Variants in KCNH7 observed in about 807,000 individuals in gnomAD.
The protein encoded by KCNH7 is potassium voltage-gated channel subfamily H member 7, also known as voltage-gated inwardly rectifying potassium channel KCNH7.
In KCNH7, 49 loss-of-function variants were observed where a neutral mutation model predicts 120.8. The observed-to-expected ratio is 0.41, with a 90% CI of 0.32 to 0.51. The LOEUF is 0.51. Ranked by LOEUF, KCNH7 falls within the 20% of genes least tolerant of loss-of-function variation. KCNH7 has a pLI of 0.38. For synonymous variants in KCNH7, 547 were observed against 516.1 expected (o/e 1.06, Z -0.81); for missense variants, 1,097 against 1,446.6 (o/e 0.76, Z 3.92).
intron 2 of KCNH7, among the ~76,000 whole-genome samples, chr2:162,680,823 G>T (rs1000569323): frequency 4.0e-5 from 6 of 151,666 alleles, no homozygotes; most frequent in African/African-American, 1.2e-4. Flanking sequence ...AAATTAAAGA[G>T]CTAATACTCC....
intron 13 of KCNH7, among the ~76,000 whole-genome samples, chr2:162,380,789 T>G (rs1340571226): frequency 6.6e-6 from 1 of 152,150 alleles, no homozygotes; most frequent in Admixed American, 6.6e-5. Flanking sequence ...CCAGACACCT[T>G]GGTAAATACG....
chr2:162,781,531 A>C (rs563380028), intron 2 of KCNH7, among the ~76,000 whole-genome samples: 11 of 152,280 alleles, frequency 7.2e-5, no homozygotes, highest in Admixed American at 5.9e-4. Context: ...AGAATGAGGA[A>C]GGTAAAAATT....
chr2:162,731,644 CATGAAAATATTT>C (rs1687734502), intron 2 of KCNH7, among the ~76,000 whole-genome samples: 1 of 151,382 alleles, frequency 6.6e-6, no homozygotes, highest in African/African-American at 2.4e-5. Flanking sequence ...ATGAAATGTC[CATGAAAATATTT>C]ATGAAAATAT....
chr2:162,550,040 T>C (rs1692615455), intron 2 of KCNH7, among the ~76,000 whole-genome samples: 1 of 152,100 alleles, frequency 6.6e-6, no homozygotes, highest in Admixed American at 6.5e-5. Context: ...CCCAGAGAGG[T>C]GAAATCAAGT....
chr2:162,644,101 C>A (rs1185492601), intron 2 of KCNH7, among the ~76,000 whole-genome samples: 3 of 151,846 alleles, frequency 2.0e-5, no homozygotes, highest in Non-Finnish European at 4.4e-5. Flanking sequence ...CCCCCCACAT[C>A]AACTGTCCAT....
intron 2 of KCNH7, among the ~76,000 whole-genome samples, chr2:162,753,026 A>C (rs187057354): frequency 6.8e-6 from 1 of 146,740 alleles, no homozygotes; most frequent in African/African-American, 2.6e-5. Context: ...AAGAAAAGAA[A>C]AGAAACCCTG....
chr2:162,526,281 G>T (rs1479179895), intron 3 of KCNH7, among the ~76,000 whole-genome samples: 2 of 151,916 alleles, frequency 1.3e-5, no homozygotes, highest in Non-Finnish European at 2.9e-5. Flanking sequence ...AGGACCACAG[G>T]ACCGAGGTGA....
intron 2 of KCNH7, among the ~76,000 whole-genome samples, chr2:162,573,009 G>A (rs1434564173): frequency 6.6e-6 from 1 of 151,886 alleles, no homozygotes; most frequent in Non-Finnish European, 1.5e-5. Flanking sequence ...TAACTAACCT[G>A]CACATTGTGC....
At chr2:162,838,234 C>T (rs1287798248) in intron 1 of KCNH7, among the ~76,000 whole-genome samples, 3 of 152,158 alleles carry the variant, frequency 2.0e-5, no homozygotes, top group Non-Finnish European at 4.4e-5. Context: ...CAAATTGCCT[C>T]CTATAATGGA....
chr2:162,589,293 C>T (rs1235921558), intron 2 of KCNH7, among the ~76,000 whole-genome samples: 1 of 151,992 alleles, frequency 6.6e-6, no homozygotes, highest in Non-Finnish European at 1.5e-5. Context: ...CAAAACCCCA[C>T]TTCTGTAGAA....
chr2:162,681,883 G>A (rs377258796), intron 2 of KCNH7, among the ~76,000 whole-genome samples: 2 of 150,794 alleles, frequency 1.3e-5, no homozygotes, highest in Non-Finnish European at 3.0e-5. Flanking sequence ...GGAAGACAGT[G>A]CCTTATAAAA....
intron 2 of KCNH7, among the ~76,000 whole-genome samples, chr2:162,767,185 T>C (rs1174758663): frequency 6.6e-6 from 1 of 152,140 alleles, no homozygotes; most frequent in Non-Finnish European, 1.5e-5. Context: ...ACCATGTACA[T>C]ACTCTTGTCA....
rs1685671162 is a variant in KCNH7, at chr2:162,836,612, C to T, written c.232G>A (p.Asp78Asn). 1.9e-6 allele frequency: 3 copies of T among 1,614,050 alleles called. No homozygotes were observed. Among genetic ancestry groups the T allele is most frequent in the Non-Finnish European group, 2.5e-6 (3 of 1,180,048 alleles). The change falls in exon 2 of 16, where the codon GAT (aspartate) becomes AAT (asparagine). Residue 78 changes from aspartate (D) to asparagine (N), a missense_variant. Around this residue, in one of 8 missense-constraint regions of KCNH7, gnomAD observed 57 missense variants for 116.2 expected, o/e 0.49. Transcript: ENST00000332142. ...FLHGPETKRH[D>N]IAQIAQALLG... is the part of the protein sequence containing the mutation. ...AATGCCTGGGCAATTTGGGCAATAT[C>T]ATGCCTCTTGGTCTCGGGTCCATGG...
intron 12 of KCNH7, among the ~76,000 whole-genome samples, chr2:162,390,696 A>G (rs1686719072): frequency 6.6e-6 from 1 of 152,012 alleles, no homozygotes; most frequent in African/African-American, 2.4e-5. Flanking sequence ...AATTTTAGGA[A>G]GAAAAGATAA....
At chr2:162,427,881 T>G (rs2105502128) in intron 8 of KCNH7, among the ~76,000 whole-genome samples, 1 of 152,018 alleles carries the variant, frequency 6.6e-6, no homozygotes, top group East Asian at 1.9e-4. Context: ...ATTATCTTTC[T>G]TTCATACAGG....
At chr2:162,559,078 C>CAA (rs1270814815) in intron 2 of KCNH7, among the ~76,000 whole-genome samples, 1 of 127,160 alleles carries the variant, frequency 7.9e-6, no homozygotes, top group Admixed American at 7.8e-5. Flanking sequence ...AAAAAAAAAG[C>CAA]AAAAAAACAA....
intron 2 of KCNH7, among the ~76,000 whole-genome samples, chr2:162,786,799 GTGGAATAGGAGTTTCCCTTCACAAA>G (rs1683724322): frequency 6.6e-6 from 1 of 152,134 alleles, no homozygotes; most frequent in Non-Finnish European, 1.5e-5. Context: ...CAGCAACATG[GTGGAATAGGAGTTTCCCTTCACAAA>G]AATATCCATT....
chr2:162,469,583 A>G (rs1470041086), intron 6 of KCNH7, among the ~76,000 whole-genome samples: 1 of 152,176 alleles, frequency 6.6e-6, no homozygotes, highest in Non-Finnish European at 1.5e-5. Flanking sequence ...ACGTTCCACT[A>G]TCAAAGCCCG....
chr2:162,445,134 G>T lies in KCNH7; in HGVS notation c.1554+884C>A, dbSNP rs1056533210. Among the ~76,000 whole-genome samples the T allele has an allele frequency of 3.3e-5, 5 of 152,124 alleles. No homozygotes were observed. In the South Asian group the frequency reaches 8.3e-4, roughly 25 times the overall value. Reference sequence around the variant, plus strand: ...CTTTTGGTTCCCCTTGGTCGAGGAGGATTATGTTGTTCTAAAGCCTTCATT... The same window carrying T: ...CTTTTGGTTCCCCTTGGTCGAGGAGTATTATGTTGTTCTAAAGCCTTCATT... On this transcript the variant is annotated intron_variant, in intron 7 of 15. Coordinates refer to ENST00000332142, the MANE Select transcript of KCNH7 (RefSeq NM_033272.4).
Sources: allele counts gnomAD v4.1 joint callset (sites outside exome capture counted in the v4.1 genomes callset), GRCh38; gene constraint gnomAD v4.1.1; regional missense constraint gnomAD v4.1.1; transcripts MANE v1.5; gene names NCBI Gene and HGNC (gene_info 2026-07-23, HGNC 2026-07-21).